The following NDFIP1 variants were observed in gnomAD, a reference collection of about 807,000 sequenced individuals.
NDFIP1 encodes the protein Nedd4 family interacting protein 1.
In NDFIP1, 7 loss-of-function variants were observed where a neutral mutation model predicts 28.8. That is an observed-to-expected ratio of 0.24 (90% CI 0.14 to 0.46). The LOEUF is 0.46. Ranked by LOEUF, NDFIP1 falls within the 20% of genes least tolerant of loss-of-function variation. The pLI, the probability that NDFIP1 is intolerant of heterozygous loss-of-function variation, is 0.99. For missense variants in NDFIP1, 194 were observed against 269.1 expected, an observed-to-expected ratio of 0.72 and a Z score of 1.95; for synonymous variants, 92 against 101.0, an observed-to-expected ratio of 0.91 and a Z score of 0.53.
At chr5:142,150,935 GTTC>G (rs1757441463) in intron 7 of NDFIP1, among the ~76,000 whole-genome samples, 1 of 151,988 alleles carries the variant, frequency 6.6e-6, no homozygotes, top group Non-Finnish European at 1.5e-5. Flanking sequence ...ATTCTTAATA[GTTC>G]TTCTTTTATT....
chr5:142,110,844 A>G (rs1246249725), intron 1 of NDFIP1, among the ~76,000 whole-genome samples: 1 of 119,740 alleles, frequency 8.4e-6, no homozygotes, highest in Non-Finnish European at 1.7e-5. Flanking sequence ...AGTATTAAGT[A>G]ATTTACATCC....
intron 1 of NDFIP1, among the ~76,000 whole-genome samples, chr5:142,120,568 A>G (rs548792114): frequency 6.6e-6 from 1 of 152,222 alleles, no homozygotes; most frequent in East Asian, 1.9e-4. Flanking sequence ...TCACATTTAT[A>G]TTTAAGAGGG....
intron 6 of NDFIP1, chr5:142,143,049 A>AGTTTAAT: frequency 6.7e-6 from 1 of 150,154 alleles, no homozygotes; most frequent in East Asian, 2.0e-4. Context: ...GAAGAGAACC[A>AGTTTAAT]GTTTAATGGT....
intron 7 of NDFIP1, among the ~76,000 whole-genome samples, chr5:142,150,847 C>T (rs1416832223): frequency 6.6e-6 from 1 of 152,168 alleles, no homozygotes; most frequent in Non-Finnish European, 1.5e-5. Context: ...ACTCTCACTT[C>T]TTGCTGAGTA....
rs374667257 is a variant in NDFIP1 at position 142,138,846 on chromosome 5, G to A, written c.495+988G>A. Among the ~76,000 whole-genome samples the A allele has an allele frequency of 3.5e-3, 524 of 150,354 alleles. 4 individuals carry two copies. Among genetic ancestry groups the A allele is most frequent in the African/African-American group, 0.012 (510 of 40,978 alleles). On this transcript the variant is annotated intron_variant, in intron 5 of 7. Transcript: ENST00000253814. ...CTACATTAAACTCTTGGACACCAAA[G>A]CCTCCAAGGAAAAGAGAAATAAAAT...
At chr5:142,120,065 C>T (rs779683367) in intron 1 of NDFIP1, among the ~76,000 whole-genome samples, 5 of 152,238 alleles carry the variant, frequency 3.3e-5, no homozygotes, top group African/African-American at 4.8e-5. Context: ...AAGCAATTCT[C>T]CTGCCTCAGC....
At chr5:142,114,310 T>C (rs1363573369) in intron 1 of NDFIP1, among the ~76,000 whole-genome samples, 1 of 152,200 alleles carries the variant, frequency 6.6e-6, no homozygotes, top group Non-Finnish European at 1.5e-5. Flanking sequence ...ATTTCCCTAA[T>C]AATTAGCGAT....
intron 3 of NDFIP1, among the ~76,000 whole-genome samples, chr5:142,135,104 G>A (rs1175711361): frequency 1.3e-5 from 2 of 151,770 alleles, no homozygotes; most frequent in African/African-American, 4.8e-5. Flanking sequence ...TTAGCCTCCC[G>A]AGTAGCTGGG....
intron 7 of NDFIP1, among the ~76,000 whole-genome samples, chr5:142,149,825 A>G (rs1757426560): frequency 6.6e-6 from 1 of 152,194 alleles, no homozygotes; most frequent in African/African-American, 2.4e-5. Context: ...TCCGTACCAT[A>G]TTGTATATTC....
At chr5:142,140,340 C>A (rs1006960363) in intron 5 of NDFIP1, among the ~76,000 whole-genome samples, 2 of 150,986 alleles carry the variant, frequency 1.3e-5, no homozygotes, top group African/African-American at 4.9e-5. Flanking sequence ...CCCAGCTACT[C>A]GGGAGGCTGA....
chr5:142,133,616 A>G (rs1198474217), intron 3 of NDFIP1, among the ~76,000 whole-genome samples: 2 of 152,244 alleles, frequency 1.3e-5, no homozygotes, highest in African/African-American at 2.4e-5. Flanking sequence ...ATAGATCAGT[A>G]TGGAAATTAG....
At chr5:142,113,478 G>A (rs1371317264) in intron 1 of NDFIP1, among the ~76,000 whole-genome samples, 1 of 152,032 alleles carries the variant, frequency 6.6e-6, no homozygotes, top group Non-Finnish European at 1.5e-5. Flanking sequence ...CTGTATTTGT[G>A]GCCTACATGG....
chr5:142,132,220 GACT>G lies in NDFIP1; in HGVS notation c.163_165del (p.Tyr55del). 6.2e-7 allele frequency: 1 copy of G among 1,607,620 alleles called. No individual in the cohort carries two copies. The highest frequency in any genetic ancestry group is 8.5e-7 in the Non-Finnish European group (1 of 1,178,632). ...CTGTTAAAATTCTGCAGCATATTTT[GACT>G]ACAAGGATGAGTCTGGGTTTCCAAA... On this transcript the variant is annotated inframe_deletion, in exon 3 of 8. Coordinates refer to ENST00000253814, the MANE Select transcript of NDFIP1 (RefSeq NM_030571.4).
intron 3 of NDFIP1, 28 bp downstream of exon 3, chr5:142,132,370 T>C (rs1300185752): frequency 3.1e-6 from 5 of 1,600,448 alleles, no homozygotes; most frequent in Non-Finnish European, 4.3e-6. Flanking sequence ...TGTTACTTGA[T>C]GGCTGCTCTG....
At chr5:142,124,499 A>G (rs1245207126) in intron 1 of NDFIP1, among the ~76,000 whole-genome samples, 1 of 152,204 alleles carries the variant, frequency 6.6e-6, no homozygotes, top group African/African-American at 2.4e-5. Context: ...ACCAAGGTGT[A>G]CTCATCAGTT....
At position 142,154,359 on chromosome 5, in the gene NDFIP1, A is replaced by G. The variant is rs533253746; in HGVS notation, c.*2631A>G. ...TACTCTTATGTTTAAAGGGTTCTGT[A>G]TAGCCATTTTTTTTTTCAGAAAGTT... On this transcript the variant is annotated 3_prime_UTR_variant, in exon 8 of 8. Transcript: ENST00000253814. 1.3e-5 allele frequency: 2 copies of G among 151,872 alleles called. No individual in the cohort carries two copies. The highest frequency in any genetic ancestry group is 4.1e-4 in the South Asian group (2 of 4,820). 9.4% of individuals were successfully genotyped at this position (151,872 alleles called of 1,614,324 possible). A position where few individuals can be genotyped will look rare whatever the true frequency, so the allele number is the denominator to read the frequency against.
In NDFIP1 at chr5:142,133,825, C is replaced by T. The variant is rs556125623; in HGVS notation, c.282+1483C>T. Reference sequence around the variant, plus strand: ...CATTGTTATTCAAAAGCCTAAAATCCAACTAGGGTAAAGGGCCCACAAATA... The same window carrying T: ...CATTGTTATTCAAAAGCCTAAAATCTAACTAGGGTAAAGGGCCCACAAATA... On this transcript the variant is annotated intron_variant, in intron 3 of 7. Coordinates refer to ENST00000253814, the MANE Select transcript of NDFIP1 (RefSeq NM_030571.4). 3.3e-5 allele frequency among the ~76,000 whole-genome samples: 5 copies of T among 152,224 alleles called. No homozygotes were observed. In the East Asian group the frequency reaches 7.7e-4, roughly 24 times the overall value.
intron 4 of NDFIP1, among the ~76,000 whole-genome samples, chr5:142,136,586 C>A (rs1000250188): frequency 6.7e-6 from 1 of 149,130 alleles, no homozygotes; most frequent in African/African-American, 2.4e-5. Context: ...GAAACCCCAT[C>A]TCTACTAAAA....
chr5:142,124,873 G>A lies in NDFIP1; in HGVS notation c.64-6935G>A, dbSNP rs1185779059. Among the ~76,000 whole-genome samples, 5 of 151,754 alleles carry A rather than the reference G, an allele frequency of 3.3e-5. 1 individual carries two copies. The highest frequency in any genetic ancestry group is 7.4e-5 in the Non-Finnish European group (5 of 67,930). On this transcript the variant is annotated intron_variant, in intron 1 of 7. Coordinates refer to ENST00000253814, the MANE Select transcript of NDFIP1 (RefSeq NM_030571.4). ...GGAGTCTCGCCTCTGTCGCCCAGGC[G>A]GGAGTGCAGTGGCGCAATCTCGGCT...
Sources: gnomAD v4.1 joint callset for allele counts (sites outside exome capture counted in the v4.1 genomes callset) on GRCh38, gnomAD v4.1.1 for gene constraint, MANE v1.5 for transcripts, NCBI Gene and HGNC (gene_info 2026-07-23, HGNC 2026-07-21) for gene names.